The following FSTL5 variants were observed in gnomAD, a reference collection of about 807,000 sequenced individuals.
FSTL5 encodes follistatin-related protein 5.
Under a neutral mutation model 89.1 loss-of-function variants are expected in FSTL5, and 62 were observed. The ratio of observed to expected loss-of-function variants is 0.70; its 90% confidence interval spans 0.57 to 0.86. FSTL5 has a LOEUF of 0.86. FSTL5 is among the 40% of genes least tolerant of loss of function. The pLI is 0.00. For missense variants in FSTL5, 1,057 were observed against 1,001.6 expected (o/e 1.06, Z -0.75); for synonymous variants, 383 against 346.2 (o/e 1.11, Z -1.18).
At chr4:161,777,877 T>C (rs1207725449) in intron 4 of FSTL5, among the ~76,000 whole-genome samples, 1 of 152,092 alleles carries the variant, frequency 6.6e-6, no homozygotes, top group Non-Finnish European at 1.5e-5. Flanking sequence ...GGGAATCACC[T>C]GAGGTCAGGA....
At chr4:161,910,315 T>C (rs1733653408) in intron 4 of FSTL5, among the ~76,000 whole-genome samples, 1 of 152,134 alleles carries the variant, frequency 6.6e-6, no homozygotes, top group Admixed American at 6.5e-5. Flanking sequence ...CTTCACTTCA[T>C]CTTAACTATA....
chr4:162,050,301 A>G (rs1287891929), intron 2 of FSTL5, among the ~76,000 whole-genome samples: 1 of 151,382 alleles, frequency 6.6e-6, no homozygotes, highest in African/African-American at 2.4e-5. Context: ...CAGGAAAAAT[A>G]ATTATATTGA....
At chr4:161,434,173 C>T (rs1427681582) in intron 15 of FSTL5, among the ~76,000 whole-genome samples, 2 of 151,956 alleles carry the variant, frequency 1.3e-5, no homozygotes, top group Non-Finnish European at 2.9e-5. Context: ...CTGTAGTAAC[C>T]AAAACAGCAT....
chr4:161,653,331 G>A (rs116189330), intron 7 of FSTL5, among the ~76,000 whole-genome samples: 54 of 152,266 alleles, frequency 3.5e-4, no homozygotes, highest in African/African-American at 1.3e-3. Context: ...AGTATCCTCT[G>A]TCACAGGAAG....
chr4:161,884,680 G>A (rs1161525313), intron 4 of FSTL5, among the ~76,000 whole-genome samples: 2 of 152,110 alleles, frequency 1.3e-5, no homozygotes, highest in Non-Finnish European at 2.9e-5. Context: ...AAAACAGACT[G>A]TTGATGTGAA....
At chr4:161,741,751 G>T (rs757750793) in intron 6 of FSTL5, among the ~76,000 whole-genome samples, 3 of 148,482 alleles carry the variant, frequency 2.0e-5, no homozygotes, top group Non-Finnish European at 4.4e-5. Flanking sequence ...GCAGTGGCAC[G>T]GTCTTGGCTC....
At chr4:161,883,638 A>AT (rs1732706626) in intron 4 of FSTL5, among the ~76,000 whole-genome samples, 2 of 152,204 alleles carry the variant, frequency 1.3e-5, no homozygotes, top group Non-Finnish European at 2.9e-5. Flanking sequence ...TTTAAATAAA[A>AT]TTTTATCAGG....
intron 4 of FSTL5, among the ~76,000 whole-genome samples, chr4:161,882,192 C>G (rs1226905586): frequency 1.3e-5 from 2 of 152,088 alleles, no homozygotes; most frequent in African/African-American, 2.4e-5. Context: ...CTGGTCAACT[C>G]TTTTCCAGAT....
At chr4:162,030,835 T>A (rs1737493187) in intron 3 of FSTL5, among the ~76,000 whole-genome samples, 1 of 152,204 alleles carries the variant, frequency 6.6e-6, no homozygotes, top group African/African-American at 2.4e-5. Context: ...AGAGATGCTC[T>A]CAAATATAAG....
chr4:162,004,163 T>C (rs934475826), intron 3 of FSTL5, among the ~76,000 whole-genome samples: 2 of 152,206 alleles, frequency 1.3e-5, no homozygotes, highest in African/African-American at 4.8e-5. Context: ...CATATGGATA[T>C]CATGCAGCAC....
intron 6 of FSTL5, among the ~76,000 whole-genome samples, chr4:161,703,829 C>G (rs926056874): frequency 2.0e-5 from 3 of 152,078 alleles, no homozygotes; most frequent in African/African-American, 7.2e-5. Flanking sequence ...CTAGCTCTAC[C>G]TTTATTCCAT....
chr4:161,723,867 T>C (rs1739301448), intron 6 of FSTL5, among the ~76,000 whole-genome samples: 1 of 152,124 alleles, frequency 6.6e-6, no homozygotes, highest in South Asian at 2.1e-4. Flanking sequence ...CAAGAAGAAG[T>C]AACATATATT....
Position 161,443,475 on chromosome 4 carries a change from T to G in FSTL5, c.1841+11529A>C, listed in dbSNP as rs73858498. ...TGAGTTTAAGAAAAATCTTTTATTTTTAAACTTTTACTAAACTATAATAAT... is the reference window on the plus strand; with the variant it reads ...TGAGTTTAAGAAAAATCTTTTATTTGTAAACTTTTACTAAACTATAATAAT... On this transcript the variant is annotated intron_variant, in intron 15 of 15. Coordinates refer to ENST00000306100, the MANE Select transcript of FSTL5 (RefSeq NM_020116.5). Among the ~76,000 whole-genome samples the G allele has an allele frequency of 8.1e-3, 1,232 of 152,138 alleles. 17 individuals carry two copies. Among genetic ancestry groups the G allele is most frequent in the African/African-American group, 0.028 (1,149 of 41,540 alleles).
intron 3 of FSTL5, among the ~76,000 whole-genome samples, chr4:161,950,913 T>C (rs956180723): frequency 2.0e-5 from 3 of 151,966 alleles, no homozygotes; most frequent in African/African-American, 7.2e-5. Flanking sequence ...TTATTGATGT[T>C]ATTATTATTA....
intron 7 of FSTL5, among the ~76,000 whole-genome samples, chr4:161,649,455 G>A (rs535427475): frequency 6.6e-6 from 1 of 152,050 alleles, no homozygotes; most frequent in Non-Finnish European, 1.5e-5. Context: ...GCATAATTAA[G>A]AAGAGGCCTA....
intron 3 of FSTL5, among the ~76,000 whole-genome samples, chr4:161,951,050 C>T (rs1325779065): frequency 2.6e-5 from 4 of 151,910 alleles, no homozygotes; most frequent in East Asian, 1.9e-4. Context: ...CAGTGTTTTC[C>T]GTGCTGTTCT....
At chr4:162,086,709 T>C (rs564652537) in intron 2 of FSTL5, among the ~76,000 whole-genome samples, 3 of 152,166 alleles carry the variant, frequency 2.0e-5, no homozygotes, top group South Asian at 2.1e-4. Flanking sequence ...CTGAGAGCTA[T>C]AGATTTGTAT....
chr4:161,580,532 G>A (rs1366682317), intron 8 of FSTL5, among the ~76,000 whole-genome samples: 24 of 152,168 alleles, frequency 1.6e-4, no homozygotes, highest in Admixed American at 1.5e-3. Context: ...AGAAGAAGGG[G>A]GATGCATTCA....
intron 6 of FSTL5, among the ~76,000 whole-genome samples, chr4:161,744,625 C>T (rs1323177036): frequency 6.6e-6 from 1 of 152,068 alleles, no homozygotes; most frequent in Non-Finnish European, 1.5e-5. Flanking sequence ...CTCTAATAGT[C>T]ACTAAAAGGA....
Sources: gnomAD v4.1 joint callset for allele counts (sites outside exome capture counted in the v4.1 genomes callset) on GRCh38, gnomAD v4.1.1 for gene constraint, MANE v1.5 for transcripts, NCBI Gene and HGNC (gene_info 2026-07-23, HGNC 2026-07-21) for gene names.